OTULINL: variants seen among roughly 807,000 people sequenced by gnomAD.
OTULINL encodes inactive ubiquitin thioesterase OTULINL.
OTULINL carries 42 observed loss-of-function variants against 43.9 expected under a neutral mutation model. The ratio of observed to expected loss-of-function variants is 0.96; its 90% CI spans 0.75 to 1.24. OTULINL has a LOEUF of 1.24. OTULINL is among the 50% of genes most tolerant of loss of function. The probability of loss-of-function intolerance (pLI) is 0.00; values close to 1 mark genes in which losing one functional copy is unlikely to be tolerated. For synonymous variants in OTULINL, 172 were observed against 153.6 expected (o/e 1.12, Z -0.88); for missense variants, 411 against 426.4 (o/e 0.96, Z 0.32).
chr5:14,595,748 T>C lies in OTULINL; in HGVS notation c.65-5217T>C, dbSNP rs145793563. ...CAGATTTTAGTTTCTGATATTCACT[T>C]TGTTGATTTCAGGAGGTCCTGGTAT... On this transcript the variant is annotated intron_variant, in intron 1 of 7. Transcript: ENST00000274217. 2.0e-5 allele frequency among the ~76,000 whole-genome samples: 3 copies of C among 151,088 alleles called. No homozygotes were observed. The East Asian group carries it at 5.9e-4, about 30-fold the overall frequency.
In OTULINL at chr5:14,614,443, A is replaced by G. The variant is rs1479705491; in HGVS notation, c.*4129A>G. On this transcript the variant is annotated 3_prime_UTR_variant, in exon 8 of 8. Coordinates refer to ENST00000274217, the MANE Select transcript of OTULINL (RefSeq NM_019018.3). ...CTAGACACAAAATTTAGTGGGTCCA[A>G]ATTGTTCAATCACTTCTATGTTATT... The G allele has an allele frequency of 2.5e-6, 1 of 396,844 alleles. No homozygotes were observed. The highest frequency in any genetic ancestry group is 4.4e-6 in the Non-Finnish European group (1 of 225,488). The allele number at this position is 396,844 out of a possible 1,614,324, so 24.6% of individuals were successfully genotyped here. A position where few individuals can be genotyped will look rare whatever the true frequency, so the allele number is the denominator to read the frequency against.
chr5:14,599,610 T>A lies in OTULINL; in HGVS notation c.65-1355T>A, dbSNP rs995970913. ...AACTGTCAAAATTTTAGATTCTACATTGATGAGTCTTTTACTGGAGTTAAT... is the reference window on the plus strand; with the variant it reads ...AACTGTCAAAATTTTAGATTCTACAATGATGAGTCTTTTACTGGAGTTAAT... On this transcript the variant is annotated intron_variant, in intron 1 of 7. Transcript: ENST00000274217. 2.6e-5 allele frequency among the ~76,000 whole-genome samples: 4 copies of A among 152,352 alleles called. No individual in the cohort carries two copies. In the South Asian group the frequency reaches 8.3e-4, roughly 32 times the overall value.
At position 14,610,285 on chromosome 5, in the gene OTULINL, G is replaced by A. The variant is rs1028096409; in HGVS notation, c.1042G>A (p.Asp348Asn). 3 of 1,610,970 alleles carry A rather than the reference G, an allele frequency of 1.9e-6. No homozygotes were observed. Among genetic ancestry groups the A allele is most frequent in the East Asian group, 2.2e-5 (1 of 44,890 alleles). ...WPEISLLTEN[D>N]RHYHIPVF Reference sequence around the variant, plus strand: ...GGAGATCTCCCTGCTGACCGAGAACGACCGCCACTACCACATTCCAGTCTT... The same window carrying A: ...GGAGATCTCCCTGCTGACCGAGAACAACCGCCACTACCACATTCCAGTCTT... The change falls in exon 8 of 8, where the codon GAC becomes AAC. Residue 348 changes from aspartate to asparagine, a missense_variant. Asp to Asn is a conservative substitution (Grantham distance 23). Transcript: ENST00000274217.
rs779118109 is a variant in OTULINL at position 14,610,181 on chromosome 5, TAA to T, written c.941_942del (p.Lys314SerfsTer8). ...CTTGGATACTCCCTTGAAGTAAAGA[TAA>T]AAGTGTTCAGACTGTTCAAGTTTAA... On this transcript the variant is annotated frameshift_variant, in exon 8 of 8. Coordinates refer to ENST00000274217, the MANE Select transcript of OTULINL (RefSeq NM_019018.3). LOFTEE classifies it high-confidence loss of function. 1 of 1,614,090 alleles carries T rather than the reference TAA, an allele frequency of 6.2e-7. No individual in the cohort carries two copies. The highest frequency in any genetic ancestry group is 8.5e-7 in the Non-Finnish European group (1 of 1,179,956).
At chr5:14,606,807 A>C (rs1759488647) in intron 5 of OTULINL, among the ~76,000 whole-genome samples, 1 of 152,264 alleles carries the variant, frequency 6.6e-6, no homozygotes, top group African/African-American at 2.4e-5. Context: ...TTCTATGGAC[A>C]CAATTCTATG....
chr5:14,608,148 T>G (rs1031580809), intron 6 of OTULINL, among the ~76,000 whole-genome samples: 1 of 152,256 alleles, frequency 6.6e-6, no homozygotes, highest in African/African-American at 2.4e-5. Context: ...TGCTTTGTAT[T>G]TAACTAGTAG....
chr5:14,614,657 C>G lies in OTULINL; in HGVS notation c.*4343C>G, dbSNP rs866806185. On this transcript the variant is annotated 3_prime_UTR_variant, in exon 8 of 8. Transcript: ENST00000274217. Reference sequence around the variant, plus strand: ...GTCTGGAGTGCTCTGTAGAACAGCCCGAAGTGTACACCATGTCTCTGCACT... The same window carrying G: ...GTCTGGAGTGCTCTGTAGAACAGCCGGAAGTGTACACCATGTCTCTGCACT... 2 of 398,460 alleles carry G rather than the reference C, an allele frequency of 5.0e-6. No homozygotes were observed. The highest frequency in any genetic ancestry group is 4.4e-5 in the Admixed American group (1 of 22,702). 24.7% of individuals were successfully genotyped at this position (398,460 alleles called of 1,614,324 possible).
chr5:14,582,017 G>T, intron 1 of OTULINL, 59 bp downstream of exon 1: 2 of 1,174,376 alleles, frequency 1.7e-6, no homozygotes, highest in Non-Finnish European at 2.1e-6. Context: ...GTCAAGGCGG[G>T]CGGGGTCGCA....
chr5:14,607,534 T>G, intron 6 of OTULINL, 76 bp downstream of exon 6: 1 of 1,555,802 alleles, frequency 6.4e-7, no homozygotes, highest in Non-Finnish European at 8.8e-7. Flanking sequence ...TTCTCTGATG[T>G]CAGGGACATT....
chr5:14,581,965 C>A lies in OTULINL; in HGVS notation c.64+7C>A. 1.7e-6 allele frequency: 2 copies of A among 1,174,526 alleles called. No homozygotes were observed. The highest frequency in any genetic ancestry group is 2.2e-6 in the Non-Finnish European group (2 of 910,738). The allele number at this position is 1,174,526 out of a possible 1,614,324, so 72.8% of individuals were successfully genotyped here. Reference sequence around the variant, plus strand: ...TCTGGCGCTCCCGCCGCAGGTGAGCCTGGGGCCGGGCGGGGCGGGGCGGGG... The same window carrying A: ...TCTGGCGCTCCCGCCGCAGGTGAGCATGGGGCCGGGCGGGGCGGGGCGGGG... On this transcript the variant is annotated splice_region_variant and intron_variant, in intron 1 of 7. Transcript: ENST00000274217.
chr5:14,589,200 CTG>C (rs1759157184), intron 1 of OTULINL, among the ~76,000 whole-genome samples: 2 of 152,148 alleles, frequency 1.3e-5, no homozygotes, highest in African/African-American at 4.8e-5. Flanking sequence ...ATTGTGTAAA[CTG>C]TGACAAGTGC....
intron 1 of OTULINL, among the ~76,000 whole-genome samples, chr5:14,585,000 G>A (rs890371646): frequency 5.3e-5 from 8 of 152,104 alleles, no homozygotes; most frequent in Non-Finnish European, 8.8e-5. Context: ...GTGATTGGTC[G>A]GGTGGCAAAA....
chr5:14,588,514 C>T (rs1759145402), intron 1 of OTULINL, among the ~76,000 whole-genome samples: 1 of 152,192 alleles, frequency 6.6e-6, no homozygotes, highest in Non-Finnish European at 1.5e-5. Flanking sequence ...TTATTTCTGA[C>T]ATACATATTA....
chr5:14,588,276 G>T (rs933808198), intron 1 of OTULINL, among the ~76,000 whole-genome samples: 5 of 152,104 alleles, frequency 3.3e-5, no homozygotes, highest in Non-Finnish European at 5.9e-5. Flanking sequence ...AGAATGAAGG[G>T]AAATGGCAGT....
intron 1 of OTULINL, among the ~76,000 whole-genome samples, chr5:14,592,818 C>G (rs1410002600): frequency 6.6e-6 from 1 of 152,164 alleles, no homozygotes; most frequent in East Asian, 1.9e-4. Context: ...CAGAGCCTTC[C>G]CTTGCTCTTC....
chr5:14,592,302 A>G (rs910625625), intron 1 of OTULINL, among the ~76,000 whole-genome samples: 4 of 152,218 alleles, frequency 2.6e-5, no homozygotes, highest in African/African-American at 9.6e-5. Context: ...GGAGCTGTCT[A>G]AACTATAAGA....
chr5:14,606,085 A>G (rs1267317178), intron 5 of OTULINL, among the ~76,000 whole-genome samples: 1 of 152,164 alleles, frequency 6.6e-6, no homozygotes, highest in African/African-American at 2.4e-5. Context: ...AGACTGAGCA[A>G]TTTACAAAAG....
chr5:14,581,856 A>C lies in OTULINL; in HGVS notation c.-39A>C, dbSNP rs1012568358. The C allele has an allele frequency of 4.1e-5, 57 of 1,383,320 alleles. No individual in the cohort carries two copies. Among genetic ancestry groups the C allele is most frequent in the Non-Finnish European group, 4.8e-5 (51 of 1,069,142 alleles). The allele number at this position is 1,383,320 out of a possible 1,614,324, so 85.7% of individuals were successfully genotyped here. A position where few individuals can be genotyped will look rare whatever the true frequency, so the allele number is the denominator to read the frequency against. On this transcript the variant is annotated 5_prime_UTR_variant, in exon 1 of 8. Coordinates refer to ENST00000274217, the MANE Select transcript of OTULINL (RefSeq NM_019018.3). ...CGCGTCTGACAGACCACTGCAGACC[A>C]CGGGCCGAGGCCCAGCGCCCGTCCG...
chr5:14,605,431 G>A (rs1042007195), intron 5 of OTULINL, among the ~76,000 whole-genome samples: 1 of 152,100 alleles, frequency 6.6e-6, no homozygotes, highest in Non-Finnish European at 1.5e-5. Context: ...GGGTGCTGCT[G>A]TAAAGGTTTC....
Sources: allele counts gnomAD v4.1 joint callset (sites outside exome capture counted in the v4.1 genomes callset), GRCh38; gene constraint gnomAD v4.1.1; transcripts MANE v1.5; gene names NCBI Gene and HGNC (gene_info 2026-07-23, HGNC 2026-07-21).